The following ITGA8 variants were observed in gnomAD, a reference collection of about 807,000 sequenced individuals.
The protein encoded by ITGA8 is integrin subunit alpha 8.
A neutral mutation model predicts 142.3 loss-of-function variants in ITGA8; 91 were observed. The ratio of observed to expected loss-of-function variants is 0.64; its 90% confidence interval spans 0.54 to 0.76. ITGA8 has a LOEUF of 0.76. ITGA8 is among the 30% of genes least tolerant of loss of function. The pLI is 0.00. For missense variants in ITGA8, 1,406 were observed against 1,327.7 expected (o/e 1.06, Z -0.92); for synonymous variants, 505 against 485.2 (o/e 1.04, Z -0.54).
At chr10:15,625,012 T>G (rs940866273) in intron 13 of ITGA8, among the ~76,000 whole-genome samples, 1 of 152,162 alleles carries the variant, frequency 6.6e-6, no homozygotes, top group South Asian at 2.1e-4. Context: ...GTTGCCTGTC[T>G]GCCTTGCTTT....
chr10:15,565,736 C>G (rs772707801), intron 25 of ITGA8, among the ~76,000 whole-genome samples: 1 of 151,426 alleles, frequency 6.6e-6, no homozygotes, highest in Non-Finnish European at 1.5e-5. Flanking sequence ...ATTGCAGGCA[C>G]CCACCACCAC....
chr10:15,665,683 T>C (rs1449588508), intron 8 of ITGA8, among the ~76,000 whole-genome samples: 2 of 152,236 alleles, frequency 1.3e-5, no homozygotes, highest in Non-Finnish European at 2.9e-5. Flanking sequence ...CATCTTGAAT[T>C]AATTTTTGTA....
chr10:15,609,101 C>G (rs1211865169), intron 15 of ITGA8, among the ~76,000 whole-genome samples: 1 of 152,082 alleles, frequency 6.6e-6, no homozygotes, highest in Non-Finnish European at 1.5e-5. Flanking sequence ...AAGGCAATGT[C>G]TGCACTGGCT....
chr10:15,702,979 C>G (rs1835193064), intron 2 of ITGA8, among the ~76,000 whole-genome samples: 1 of 152,298 alleles, frequency 6.6e-6, no homozygotes, highest in Non-Finnish European at 1.5e-5. Context: ...AGCTTGTAGA[C>G]TATTCCTCTA....
At chr10:15,633,144 T>C (rs1167235667) in intron 13 of ITGA8, among the ~76,000 whole-genome samples, 1 of 152,224 alleles carries the variant, frequency 6.6e-6, no homozygotes, top group African/African-American at 2.4e-5. Flanking sequence ...AAACATGCTA[T>C]TCAAGGCTCT....
At chr10:15,644,846 C>A (rs1281972596) in intron 12 of ITGA8, among the ~76,000 whole-genome samples, 1 of 151,780 alleles carries the variant, frequency 6.6e-6, no homozygotes, top group Non-Finnish European at 1.5e-5. Context: ...GTAATCCCAG[C>A]ACTTTGGGAG....
At chr10:15,517,294 G>A in intron 29 of ITGA8, 50 bp from the exon 30 acceptor site, 1 of 1,230,482 alleles carries the variant, frequency 8.1e-7, no homozygotes, top group Non-Finnish European at 1.2e-6. Context: ...GGGAACCTGT[G>A]AAACCCCTCA....
intron 23 of ITGA8, among the ~76,000 whole-genome samples, chr10:15,575,800 C>T (rs1834280040): frequency 6.6e-6 from 1 of 152,100 alleles, no homozygotes; most frequent in African/African-American, 2.4e-5. Context: ...TGTAGGCTCT[C>T]CAGCCCAGAG....
chr10:15,632,378 A>G (rs1229436015), intron 13 of ITGA8, among the ~76,000 whole-genome samples: 3 of 152,228 alleles, frequency 2.0e-5, no homozygotes, highest in African/African-American at 7.2e-5. Context: ...TCATATCTTA[A>G]TCTAAAGCTG....
chr10:15,719,712 G>C lies in ITGA8; in HGVS notation c.60C>G (p.Leu20=). The C allele has an allele frequency of 1.4e-6, 2 of 1,420,558 alleles. No individual in the cohort carries two copies. Among genetic ancestry groups the C allele is most frequent in the Non-Finnish European group, 1.8e-6 (2 of 1,095,060 alleles). The allele number at this position is 1,420,558 out of a possible 1,614,324, so 88.0% of individuals were successfully genotyped here. A position where few individuals can be genotyped will look rare whatever the true frequency, so the allele number is the denominator to read the frequency against. ...RGSQAPLIAP[L]CCAAAALGML... ...TCCCCAGCGCGGCCGCGGCGCAGCA[G>C]AGGGGCGCGATCAGCGGCGCCTGGC... The change falls in exon 1 of 30, where the codon CTC becomes CTG. Residue 20 remains leucine (L), a synonymous_variant. Transcript: ENST00000378076.
chr10:15,548,258 A>C (rs1487029931), intron 27 of ITGA8, among the ~76,000 whole-genome samples, 197 bp downstream of exon 27: 1 of 151,968 alleles, frequency 6.6e-6, no homozygotes, highest in South Asian at 2.1e-4. Context: ...AGACCAGCTA[A>C]TTTTTCTATT....
chr10:15,694,385 TATCAC>T (rs1185390969), intron 2 of ITGA8, among the ~76,000 whole-genome samples: 2 of 137,318 alleles, frequency 1.5e-5, no homozygotes, highest in African/African-American at 5.5e-5. Flanking sequence ...TATGATAATA[TATCAC>T]ATATCAGATA....
chr10:15,521,537 T>C (rs1468235802), intron 28 of ITGA8, among the ~76,000 whole-genome samples: 1 of 152,142 alleles, frequency 6.6e-6, no homozygotes, highest in Non-Finnish European at 1.5e-5. Flanking sequence ...CATTCCACCT[T>C]AACAGGAACA....
intron 15 of ITGA8, 150 bp downstream of exon 15, chr10:15,613,510 C>T (rs987814651): frequency 1.6e-5 from 10 of 643,420 alleles, no homozygotes; most frequent in Non-Finnish European, 2.5e-5. Context: ...GGCCACAGAC[C>T]AGCAGCAGCA....
rs931467351 is a variant in ITGA8 at position 15,680,425 on chromosome 10, C to T, written c.569-1642G>A. 6.6e-5 allele frequency among the ~76,000 whole-genome samples: 10 copies of T among 151,764 alleles called. No homozygotes were observed. In the South Asian group the frequency reaches 1.0e-3, roughly 16 times the overall value. ...TAACAAAATTTGTTCCTTATTTTAC[C>T]GCTATATTTCATGATTTATGGTCAT... is the stretch of plus-strand genomic sequence containing the variant. On this transcript the variant is annotated intron_variant, in intron 4 of 29. Coordinates refer to ENST00000378076, the MANE Select transcript of ITGA8 (RefSeq NM_003638.3).
intron 3 of ITGA8, among the ~76,000 whole-genome samples, chr10:15,686,289 C>A (rs1834831482): frequency 6.6e-6 from 1 of 152,210 alleles, no homozygotes; most frequent in Admixed American, 6.5e-5. Flanking sequence ...ATTGTAAAGT[C>A]TTGGCCAATA....
chr10:15,605,164 CA>C (rs1229343207), intron 19 of ITGA8, among the ~76,000 whole-genome samples: 11 of 152,138 alleles, frequency 7.2e-5, no homozygotes, highest in Non-Finnish European at 1.5e-4. Flanking sequence ...CTTCCCATAA[CA>C]GAATACAGTG....
chr10:15,569,097 G>T (rs1050599274), intron 25 of ITGA8, among the ~76,000 whole-genome samples: 2 of 152,110 alleles, frequency 1.3e-5, no homozygotes, highest in South Asian at 2.1e-4. Flanking sequence ...GTGGGAAGTG[G>T]GCAACTTAAG....
intron 28 of ITGA8, among the ~76,000 whole-genome samples, chr10:15,527,736 C>G (rs886357446): frequency 6.6e-6 from 1 of 152,014 alleles, no homozygotes; most frequent in Admixed American, 6.6e-5. Flanking sequence ...GGAGTACAAA[C>G]AAACTAATCA....
Sources: gnomAD v4.1 joint callset for allele counts (sites outside exome capture counted in the v4.1 genomes callset) on GRCh38, gnomAD v4.1.1 for gene constraint, MANE v1.5 for transcripts, NCBI Gene and HGNC (gene_info 2026-07-23, HGNC 2026-07-21) for gene names.